The following TNS3 variants were observed in gnomAD, a reference collection of about 807,000 sequenced individuals.
The protein encoded by TNS3 is tensin-3.
Under a neutral mutation model 140.9 loss-of-function variants are expected in TNS3, and 45 were observed. That is an observed-to-expected ratio of 0.32 (90% CI 0.25 to 0.41). TNS3 has a LOEUF of 0.41. TNS3 is among the 10% of genes least tolerant of loss of function. TNS3 has a pLI of 1.00. For missense variants in TNS3, 1,716 were observed against 1,906.7 expected, an observed-to-expected ratio of 0.90 and a Z score of 1.86; for synonymous variants, 815 against 788.4, an observed-to-expected ratio of 1.03 and a Z score of -0.56.
chr7:47,352,736 G>C (rs1467965344), intron 17 of TNS3, among the ~76,000 whole-genome samples: 1 of 152,104 alleles, frequency 6.6e-6, no homozygotes, highest in Non-Finnish European at 1.5e-5. Flanking sequence ...TCTTCTCACT[G>C]AGAGCTGCCC....
chr7:47,441,323 C>A (rs1001787252), intron 5 of TNS3, among the ~76,000 whole-genome samples: 1 of 152,126 alleles, frequency 6.6e-6, no homozygotes, highest in African/African-American at 2.4e-5. Context: ...GGATTACAGG[C>A]ATGCGCTATC....
At chr7:47,581,820 T>TC (rs1188579743) in intron 1 of TNS3, among the ~76,000 whole-genome samples, 1 of 143,936 alleles carries the variant, frequency 6.9e-6, no homozygotes, top group Non-Finnish European at 1.5e-5. Context: ...GTCCCCGCGC[T>TC]CCCTAACCTG....
At chr7:47,469,973 CAAAAAAAAA>C (rs144012426) in intron 4 of TNS3, among the ~76,000 whole-genome samples, 3 of 64,880 alleles carry the variant, frequency 4.6e-5, no homozygotes, top group Non-Finnish European at 7.6e-5. Context: ...AACTCTGTCT[CAAAAAAAAA>C]AAAAAAAAAA....
intron 26 of TNS3, 42 bp downstream of exon 26, chr7:47,292,786 G>A (rs1462908991): frequency 3.9e-6 from 6 of 1,557,658 alleles, no homozygotes; most frequent in African/African-American, 2.7e-5. Flanking sequence ...CTTGACTGCA[G>A]ACAATCTACA....
chr7:47,408,576 T>C (rs1793576492), intron 13 of TNS3, among the ~76,000 whole-genome samples: 1 of 152,170 alleles, frequency 6.6e-6, no homozygotes, highest in Admixed American at 6.5e-5. Flanking sequence ...CAGGGTCACA[T>C]CGATGCAGTT....
At chr7:47,460,876 C>T (rs987317940) in intron 4 of TNS3, among the ~76,000 whole-genome samples, 2 of 152,218 alleles carry the variant, frequency 1.3e-5, no homozygotes, top group African/African-American at 4.8e-5. Context: ...TCAGCTCTTC[C>T]TCCACCTAGT....
At chr7:47,388,320 T>C (rs1792192020) in intron 16 of TNS3, among the ~76,000 whole-genome samples, 1 of 152,154 alleles carries the variant, frequency 6.6e-6, no homozygotes, top group South Asian at 2.1e-4. Context: ...ACTGTGGGGA[T>C]GGAGCCCTCT....
At chr7:47,429,407 C>G (rs1029218742) in intron 8 of TNS3, among the ~76,000 whole-genome samples, 1 of 151,970 alleles carries the variant, frequency 6.6e-6, no homozygotes, top group African/African-American at 2.4e-5. Flanking sequence ...ACGCTCTGTC[C>G]CCCAGGCTGG....
At chr7:47,353,416 AC>A (rs981681958) in intron 17 of TNS3, among the ~76,000 whole-genome samples, 2 of 151,958 alleles carry the variant, frequency 1.3e-5, no homozygotes, top group African/African-American at 4.8e-5. Context: ...CTCTCTCTCT[AC>A]CCCAAATCTC....
rs148196420 is a variant in TNS3, at chr7:47,296,299, T to C, written c.3676+783A>G. Among the ~76,000 whole-genome samples the C allele has an allele frequency of 4.6e-5, 7 of 152,238 alleles. No homozygotes were observed. The East Asian group carries it at 1.2e-3, about 25-fold the overall frequency. On this transcript the variant is annotated intron_variant, in intron 24 of 30. Coordinates refer to ENST00000311160, the MANE Select transcript of TNS3 (RefSeq NM_022748.12). The stretch of plus-strand genomic sequence containing the variant: ...ACAGCTACAAGCAATCTTAGAAATA[T>C]GATTGGTGGATGCTGGTGAGGTTGT...
chr7:47,444,565 G>C (rs900135667), intron 4 of TNS3, among the ~76,000 whole-genome samples: 1 of 152,130 alleles, frequency 6.6e-6, no homozygotes, highest in Non-Finnish European at 1.5e-5. Context: ...GGGCCCTGAC[G>C]GCAGGAGGGA....
chr7:47,334,695 CT>C lies in TNS3; in HGVS notation c.2650+10059del, dbSNP rs1253089815. Among the ~76,000 whole-genome samples the C allele has an allele frequency of 2.7e-5, 4 of 149,524 alleles. No homozygotes were observed. In the South Asian group the frequency reaches 8.5e-4, roughly 32 times the overall value. On this transcript the variant is annotated intron_variant, in intron 20 of 30. Transcript: ENST00000311160. Reference sequence around the variant, plus strand: ...TCTCGGCTCATGCAACCTCCGCCTCCTGGGTTCAAACAGTATTTAAATCCTG... The same window carrying C: ...TCTCGGCTCATGCAACCTCCGCCTCCGGGTTCAAACAGTATTTAAATCCTG...
intron 3 of TNS3, among the ~76,000 whole-genome samples, chr7:47,483,289 C>T (rs1797492791): frequency 6.6e-6 from 1 of 151,956 alleles, no homozygotes; most frequent in Non-Finnish European, 1.5e-5. Flanking sequence ...CCTGCCTCAG[C>T]CTCTCGAGTA....
At chr7:47,501,845 G>T (rs1285248227) in intron 3 of TNS3, among the ~76,000 whole-genome samples, 1 of 152,202 alleles carries the variant, frequency 6.6e-6, no homozygotes, top group South Asian at 2.1e-4. Flanking sequence ...CCTGAGCCAT[G>T]CGGGAGTCAG....
chr7:47,453,466 CCCTCCCTCTTTCCTTCCTCT>C (rs1261194817), intron 4 of TNS3, among the ~76,000 whole-genome samples: 1 of 152,178 alleles, frequency 6.6e-6, no homozygotes, highest in Non-Finnish European at 1.5e-5. Context: ...TGGCCTTCCT[CCCTCCCTCTTTCCTTCCTCT>C]CCCCCAACCC....
intron 3 of TNS3, among the ~76,000 whole-genome samples, chr7:47,501,927 C>A (rs759214402): frequency 3.9e-5 from 6 of 152,198 alleles, no homozygotes; most frequent in East Asian, 1.9e-4. Flanking sequence ...CCAAGCCAAG[C>A]GGGAGAGACG....
chr7:47,531,952 A>G (rs1160391582), intron 1 of TNS3, among the ~76,000 whole-genome samples: 2 of 152,066 alleles, frequency 1.3e-5, no homozygotes, highest in Non-Finnish European at 2.9e-5. Flanking sequence ...TCCACCACAC[A>G]GGCGGGAGCT....
chr7:47,545,602 G>C (rs573051208), intron 1 of TNS3, among the ~76,000 whole-genome samples: 1 of 152,326 alleles, frequency 6.6e-6, no homozygotes, highest in East Asian at 1.9e-4. Context: ...CCATGGGAAG[G>C]CTGGGGCAGT....
rs1297679188 is a variant in TNS3, at chr7:47,369,279, T to C, written c.1367A>G (p.His456Arg). The change falls in exon 17 of 31, where the codon CAC becomes CGC. Residue 456 changes from histidine (H) to arginine (R), a missense_variant. His to Arg is a conservative substitution (Grantham distance 29). This residue lies in a region of TNS3 where 1,163 missense variants were observed against 1,182.1 expected (regional missense o/e 0.98). Transcript: ENST00000311160. ...DARSKYSGTR[H>R]VVPAQVHVNG... The stretch of plus-strand genomic sequence containing the variant: ...CACGTGAACCTGGGCTGGCACCACG[T>C]GGCGGGTCCCACTGTACTTGCTTCG... 1 of 1,614,160 alleles carries C rather than the reference T, an allele frequency of 6.2e-7. No homozygotes were observed. The highest frequency in any genetic ancestry group is 1.6e-4 in the Middle Eastern group (1 of 6,062).
Sources: gnomAD v4.1 joint callset for allele counts (sites outside exome capture counted in the v4.1 genomes callset) on GRCh38, gnomAD v4.1.1 for gene constraint, gnomAD v4.1.1 regional missense constraint, MANE v1.5 for transcripts, NCBI Gene and HGNC (gene_info 2026-07-23, HGNC 2026-07-21) for gene names.